Variants in CEMIP2 observed in about 807,000 individuals in gnomAD.
The protein encoded by CEMIP2 is cell migration inducing hyaluronidase 2.
Under a neutral mutation model 146.9 loss-of-function variants are expected in CEMIP2, and 79 were observed. That is an observed-to-expected ratio of 0.54 (90% CI 0.45 to 0.65). The LOEUF (loss-of-function observed/expected upper bound fraction) is 0.65, where lower values mean the gene tolerates loss of function less well. Among genes scored for constraint, CEMIP2 ranks in the 30% least tolerant of loss-of-function variants. CEMIP2 has a pLI of 0.00. For synonymous variants in CEMIP2, 601 were observed against 606.3 expected, an observed-to-expected ratio of 0.99 and a Z score of 0.13; for missense variants, 1,596 against 1,696.2, an observed-to-expected ratio of 0.94 and a Z score of 1.04.
chr9:71,714,993 C>T lies in CEMIP2; in HGVS notation c.2532G>A (p.Gln844=). Residue 844 remains glutamine, a synonymous_variant, in exon 15 of 24, where the codon CAG becomes CAA. Transcript: ENST00000377044. The part of the protein sequence containing the change: ...ESRNYGFQGG[Q]NKYVGTGGID... The stretch of plus-strand genomic sequence containing the variant: ...TTCCTCCAGTGCCTACATACTTGTT[C>T]TGACCACCCTGAAAGCCGTAATTCC... 1 of 1,614,006 alleles carries T rather than the reference C, an allele frequency of 6.2e-7. No individual in the cohort carries two copies.
intron 6 of CEMIP2, 95 bp from the exon 7 acceptor site, chr9:71,732,615 G>T: frequency 9.2e-7 from 1 of 1,090,238 alleles, no homozygotes; most frequent in Non-Finnish European, 1.2e-6. Flanking sequence ...ATAACCCCAA[G>T]ATGATCCTGA....
At chr9:71,732,070 GT>G (rs771181009) in intron 7 of CEMIP2, among the ~76,000 whole-genome samples, 1 of 150,512 alleles carries the variant, frequency 6.6e-6, no homozygotes, top group African/African-American at 2.4e-5. Flanking sequence ...GTTTTTTTTT[GT>G]TTTGTTTTGT....
chr9:71,728,281 GTATATATATATATA>G lies in CEMIP2; in HGVS notation c.2049+1550_2049+1563del, dbSNP rs1228923367. On this transcript the variant is annotated intron_variant, in intron 10 of 23. Coordinates refer to ENST00000377044, the MANE Select transcript of CEMIP2 (RefSeq NM_013390.3). ...TACACGTATATATATATATATATATGTATATATATATATATATATACATATATATATATATACGT... is the reference window on the plus strand; with the variant it reads ...TACACGTATATATATATATATATATGTATATACATATATATATATATACGT... Among the ~76,000 whole-genome samples the G allele has an allele frequency of 5.4e-3, 50 of 9,246 alleles. 12 individuals are homozygous for G. Among genetic ancestry groups the G allele is most frequent in the Admixed American group, 0.024 (11 of 464 alleles). 6.1% of individuals were successfully genotyped at this position (9,246 alleles called of 152,430 possible).
rs550194574 is a variant in CEMIP2 at position 71,766,099 on chromosome 9, G to A, written c.-13+2258C>T. On this transcript the variant is annotated intron_variant, in intron 1 of 23. Coordinates refer to ENST00000377044, the MANE Select transcript of CEMIP2 (RefSeq NM_013390.3). ...TTTTTTTTTTTTCAGATGGAGTCTC[G>A]TTCCCATCACCTAGGTTGGAGTGTA... Among the ~76,000 whole-genome samples, 6 of 145,246 alleles carry A rather than the reference G, an allele frequency of 4.1e-5. No individual in the cohort carries two copies. In the East Asian group the frequency reaches 6.0e-4, roughly 14 times the overall value.
intron 2 of CEMIP2, among the ~76,000 whole-genome samples, chr9:71,748,585 C>T (rs1202453188): frequency 1.3e-5 from 2 of 152,174 alleles, no homozygotes; most frequent in African/African-American, 4.8e-5. Flanking sequence ...CCCTTTACTG[C>T]AGAAGAGTTG....
At chr9:71,767,878 A>T (rs1260282495) in intron 1 of CEMIP2, among the ~76,000 whole-genome samples, 2 of 152,126 alleles carry the variant, frequency 1.3e-5, no homozygotes, top group Non-Finnish European at 2.9e-5. Context: ...ATGACCCCAA[A>T]CGCACAAGCG....
chr9:71,701,632 A>T (rs1360863672), intron 18 of CEMIP2, among the ~76,000 whole-genome samples: 1 of 152,170 alleles, frequency 6.6e-6, no homozygotes, highest in Non-Finnish European at 1.5e-5. Flanking sequence ...ATGAGTTCCT[A>T]GTGGGAAAAT....
intron 1 of CEMIP2, among the ~76,000 whole-genome samples, chr9:71,756,030 G>C (rs1418189741): frequency 7.0e-6 from 1 of 142,864 alleles, no homozygotes; most frequent in Non-Finnish European, 1.5e-5. Context: ...TTATGTTTCA[G>C]TTAATTTATG....
intron 14 of CEMIP2, 48 bp from the exon 15 acceptor site, chr9:71,715,137 A>C: frequency 6.3e-7 from 1 of 1,594,002 alleles, no homozygotes; most frequent in Admixed American, 1.8e-5. Flanking sequence ...AGAAAATTTA[A>C]ATGTATTCCC....
intron 22 of CEMIP2, among the ~76,000 whole-genome samples, chr9:71,689,859 ATT>A (rs1167434439): frequency 5.3e-5 from 8 of 152,236 alleles, no homozygotes; most frequent in Admixed American, 5.2e-4. Flanking sequence ...CCTTCCCACC[ATT>A]TTGCAAAATG....
intron 1 of CEMIP2, among the ~76,000 whole-genome samples, chr9:71,757,808 A>T (rs1041129603): frequency 2.0e-5 from 3 of 152,188 alleles, no homozygotes; most frequent in Non-Finnish European, 4.4e-5. Context: ...TTTGTTTTAG[A>T]TTCAGATTAT....
chr9:71,760,636 A>C (rs1219819211), intron 1 of CEMIP2, among the ~76,000 whole-genome samples: 2 of 143,912 alleles, frequency 1.4e-5, no homozygotes, highest in Admixed American at 1.4e-4. Flanking sequence ...CATGCCCAAA[A>C]AAAGAAAAAC....
chr9:71,711,708 C>G (rs998884520), intron 16 of CEMIP2, among the ~76,000 whole-genome samples: 1 of 152,184 alleles, frequency 6.6e-6, no homozygotes, highest in Admixed American at 6.5e-5. Context: ...AGCCCTCAGA[C>G]AAGTAAAATA....
chr9:71,722,357 T>TA (rs2131939288), intron 12 of CEMIP2, 70 bp downstream of exon 12: 1 of 1,200,326 alleles, frequency 8.3e-7, no homozygotes, highest in East Asian at 2.4e-5. Context: ...AAGAGCACAA[T>TA]AAACTCCAGT....
Position 71,718,338 on chromosome 9 carries a change from T to C in CEMIP2, c.2268-259A>G, listed in dbSNP as rs376272010. On this transcript the variant is annotated intron_variant, in intron 12 of 23. Coordinates refer to ENST00000377044, the MANE Select transcript of CEMIP2 (RefSeq NM_013390.3). ...CAATTAAAATGGACACTGCAGAATA[T>C]TATTGCATAAAAATCATTTCCAAAA... 3.0e-4 allele frequency among the ~76,000 whole-genome samples: 46 copies of C among 152,294 alleles called. No homozygotes were observed. In the South Asian group the frequency reaches 7.5e-3, roughly 25 times the overall value.
Position 71,704,701 on chromosome 9 carries a change from C to T in CEMIP2, c.3088G>A (p.Ala1030Thr). 6.2e-7 allele frequency: 1 copy of T among 1,614,138 alleles called. No homozygotes were observed. Among genetic ancestry groups the T allele is most frequent in the African/African-American group, 1.3e-5 (1 of 75,024 alleles). ...MVLRGINQKA[A>T]FPQYQPVVML... The stretch of plus-strand genomic sequence containing the variant: ...ACGACAGGCTGGTACTGTGGAAAGG[C>T]AGCCTTCTGATTAATACCTCGGAGC... The change falls in exon 18 of 24, where the codon GCC becomes ACC. Residue 1030 changes from alanine (A) to threonine (T), a missense_variant. Transcript: ENST00000377044.
intron 4 of CEMIP2, among the ~76,000 whole-genome samples, chr9:71,742,142 A>G (rs978342178): frequency 9.8e-5 from 15 of 152,354 alleles, no homozygotes; most frequent in Middle Eastern, 6.8e-3. Context: ...AGATGGCTAG[A>G]TATTCACAGA....
intron 4 of CEMIP2, among the ~76,000 whole-genome samples, chr9:71,741,549 C>G (rs879845744): frequency 1.3e-5 from 2 of 150,600 alleles, no homozygotes; most frequent in Non-Finnish European, 3.0e-5. Flanking sequence ...CACTATCCAA[C>G]AGATTTTAAA....
intron 14 of CEMIP2, 111 bp from the exon 15 acceptor site, chr9:71,715,200 G>T: frequency 2.7e-5 from 26 of 973,762 alleles, no homozygotes; most frequent in South Asian, 1.5e-4. Flanking sequence ...GAAGTCAATA[G>T]CTTTTCTAAT....
Sources: allele counts gnomAD v4.1 joint callset (sites outside exome capture counted in the v4.1 genomes callset), GRCh38; gene constraint gnomAD v4.1.1; transcripts MANE v1.5; gene names NCBI Gene and HGNC (gene_info 2026-07-23, HGNC 2026-07-21).